The following MLF1 variants were observed in gnomAD, a reference collection of about 807,000 sequenced individuals.
The protein encoded by MLF1 is myelodysplasia-myeloid leukemia factor 1.
A neutral mutation model predicts 38.3 loss-of-function variants in MLF1; 37 were observed. That is an observed-to-expected ratio of 0.96 (90% CI 0.74 to 1.27). The LOEUF (loss-of-function observed/expected upper bound fraction) is 1.27. Ranked by LOEUF, MLF1 falls within the 50% of genes most tolerant of loss-of-function variation. The pLI is 0.00. For missense variants in MLF1, 331 were observed against 349.2 expected, an observed-to-expected ratio of 0.95 and a Z score of 0.42; for synonymous variants, 95 against 106.5, an observed-to-expected ratio of 0.89 and a Z score of 0.66.
chr3:158,601,569 C>CA (rs895293172), intron 6 of MLF1, among the ~76,000 whole-genome samples: 1 of 146,852 alleles, frequency 6.8e-6, no homozygotes, highest in Non-Finnish European at 1.5e-5. Context: ...GACTCTGTCT[C>CA]AAAAAAATAA....
intron 4 of MLF1, among the ~76,000 whole-genome samples, 186 bp from the exon 5 acceptor site, chr3:158,597,894 T>C (rs1282096384): frequency 6.6e-6 from 1 of 152,110 alleles, no homozygotes. Flanking sequence ...GGGGTGACTT[T>C]TTTTGGGCGG....
In MLF1 at chr3:158,602,899, G is replaced by A; in HGVS notation, c.706G>A (p.Val236Ile). ...TCTAGGAAACACTAGAATGAGAAGT[G>A]TTGGCCATGAGAATCCTGGCTCCCG... Reference protein sequence around the residue: ...HNLGNTRMRSVGHENPGSREL... With the variant: ...HNLGNTRMRSIGHENPGSREL... The change falls in exon 7 of 8, where the codon GTT becomes ATT. Residue 236 changes from valine (V) to isoleucine (I), a missense_variant. Physicochemically the swap from Val to Ile is conservative, Grantham distance 29 (BLOSUM62 3). Coordinates refer to ENST00000466246, the MANE Select transcript of MLF1 (RefSeq NM_001369783.1). 2 of 1,613,728 alleles carry A rather than the reference G, an allele frequency of 1.2e-6. No homozygotes were observed. The highest frequency in any genetic ancestry group is 1.7e-6 in the Non-Finnish European group (2 of 1,179,828).
chr3:158,581,542 CTG>C (rs1203741172), intron 1 of MLF1, among the ~76,000 whole-genome samples: 1 of 152,164 alleles, frequency 6.6e-6, no homozygotes, highest in East Asian at 1.9e-4. Flanking sequence ...AAGCCAAAGA[CTG>C]TGAGTTAATC....
At chr3:158,599,971 C>CTA (rs1277214510) in intron 5 of MLF1, 43 bp from the exon 6 acceptor site, 3 of 947,350 alleles carry the variant, frequency 3.2e-6, no homozygotes, top group Non-Finnish European at 4.2e-6. Flanking sequence ...GATATACATT[C>CTA]TATATATATT....
At position 158,602,867 on chromosome 3, in the gene MLF1, G is replaced by C; in HGVS notation, c.674G>C (p.Arg225Pro). Residue 225 changes from arginine to proline, a missense_variant, in exon 7 of 8, where the codon CGA becomes CCA. Transcript: ENST00000466246. ...QSEVLKYKPGRHNLGNTRMRS... is the reference protein window; with the variant it reads ...QSEVLKYKPGPHNLGNTRMRS... ...GAGGTTTTGAAGTACAAACCAGGAC[G>C]ACACAATCTAGGAAACACTAGAATG... The C allele has an allele frequency of 1.4e-5, 23 of 1,613,734 alleles. No homozygotes were observed. Among genetic ancestry groups the C allele is most frequent in the Non-Finnish European group, 1.9e-5 (23 of 1,179,810 alleles).
intron 6 of MLF1, among the ~76,000 whole-genome samples, chr3:158,600,580 A>ATG (rs1719602300): frequency 6.6e-6 from 1 of 151,582 alleles, no homozygotes; most frequent in Non-Finnish European, 1.5e-5. Context: ...TTTTATATAT[A>ATG]TAAACACTTT....
chr3:158,590,705 T>C, intron 1 of MLF1: 1 of 436,372 alleles, frequency 2.3e-6, no homozygotes, highest in Non-Finnish European at 4.5e-6. Context: ...ACAGAAAGCC[T>C]ATTCATGGTA....
At chr3:158,586,616 A>C (rs1325313545) in intron 1 of MLF1, among the ~76,000 whole-genome samples, 2 of 152,212 alleles carry the variant, frequency 1.3e-5, no homozygotes, top group African/African-American at 2.4e-5. Context: ...CTAGAATGCT[A>C]TCTCTTCCCC....
chr3:158,586,384 C>A (rs181549612), intron 1 of MLF1, among the ~76,000 whole-genome samples: 1 of 151,750 alleles, frequency 6.6e-6, no homozygotes, highest in African/African-American at 2.4e-5. Context: ...GATGATGGAG[C>A]AATATTATCA....
At chr3:158,602,163 T>C (rs974397327) in intron 6 of MLF1, among the ~76,000 whole-genome samples, 8 of 152,146 alleles carry the variant, frequency 5.3e-5, no homozygotes, top group South Asian at 4.1e-4. Context: ...AGCCATGATA[T>C]TGTGACCTGT....
intron 1 of MLF1, among the ~76,000 whole-genome samples, chr3:158,583,230 T>C (rs1716692644): frequency 6.6e-6 from 1 of 152,162 alleles, no homozygotes; most frequent in African/African-American, 2.4e-5. Flanking sequence ...TCTTTTTGGA[T>C]GATAGATTAT....
At chr3:158,572,278 G>A (rs1714569554) in intron 1 of MLF1, among the ~76,000 whole-genome samples, 3 of 141,548 alleles carry the variant, frequency 2.1e-5, no homozygotes, top group African/African-American at 5.3e-5. Flanking sequence ...GCGTGAGGTG[G>A]GGGGACGGTT....
At chr3:158,588,586 GC>G (rs1717625210) in intron 1 of MLF1, among the ~76,000 whole-genome samples, 1 of 127,644 alleles carries the variant, frequency 7.8e-6, no homozygotes, top group Non-Finnish European at 1.6e-5. Context: ...GGGCAAGAGA[GC>G]GAGACTCCGT....
intron 1 of MLF1, among the ~76,000 whole-genome samples, chr3:158,579,022 G>A (rs1189813597): frequency 4.6e-5 from 7 of 151,968 alleles, no homozygotes; most frequent in Non-Finnish European, 8.8e-5. Context: ...GCAAAATATT[G>A]CACCCTATGA....
At chr3:158,577,215 G>C (rs1715601413) in intron 1 of MLF1, among the ~76,000 whole-genome samples, 1 of 152,140 alleles carries the variant, frequency 6.6e-6, no homozygotes, top group African/African-American at 2.4e-5. Flanking sequence ...ATCCACTGAT[G>C]GAGTTCAAAG....
intron 1 of MLF1, among the ~76,000 whole-genome samples, chr3:158,591,485 GCTT>G (rs1282411364): frequency 6.6e-6 from 1 of 152,032 alleles, no homozygotes; most frequent in African/African-American, 2.4e-5. Flanking sequence ...AAACTTTCTA[GCTT>G]CTTTATGATG....
chr3:158,593,565 T>G, intron 3 of MLF1, 139 bp downstream of exon 3: 1 of 595,488 alleles, frequency 1.7e-6, no homozygotes, highest in South Asian at 2.9e-5. Flanking sequence ...AACCTCTGTT[T>G]CAAGTATCAG....
At position 158,605,111 on chromosome 3, in the gene MLF1, A is replaced by G. The variant is rs760358565; in HGVS notation, c.761A>G (p.Gln254Arg). The G allele has an allele frequency of 2.5e-6, 4 of 1,613,138 alleles. No homozygotes were observed. Among genetic ancestry groups the G allele is most frequent in the South Asian group, 2.2e-5 (2 of 90,836 alleles). The change falls in exon 8 of 8, where the codon CAA becomes CGA. Residue 254 changes from glutamine to arginine, a missense_variant. Coordinates refer to ENST00000466246, the MANE Select transcript of MLF1 (RefSeq NM_001369783.1). ...ATATTTCTCAGGGAGAAACCTCAAC[A>G]AAGTCCAGCCATTGAACATGGAAGG... ...RELKRREKPQ[Q>R]SPAIEHGRRS...
chr3:158,602,022 T>A (rs1719856510), intron 6 of MLF1, among the ~76,000 whole-genome samples: 1 of 151,974 alleles, frequency 6.6e-6, no homozygotes, highest in South Asian at 2.1e-4. Context: ...TTCACCATGT[T>A]AGCCAGGATG....
Sources: allele counts gnomAD v4.1 joint callset (sites outside exome capture counted in the v4.1 genomes callset), GRCh38; gene constraint gnomAD v4.1.1; transcripts MANE v1.5; gene names NCBI Gene and HGNC (gene_info 2026-07-23, HGNC 2026-07-21).